JCAD: variants seen among roughly 807,000 people sequenced by gnomAD.
JCAD encodes junctional cadherin 5-associated protein.
Under a neutral mutation model 98.0 loss-of-function variants are expected in JCAD, and 40 were observed. That is an observed-to-expected ratio of 0.41 (90% CI 0.32 to 0.53). The LOEUF is 0.53. Ranked by LOEUF, JCAD falls within the 20% of genes least tolerant of loss-of-function variation. JCAD has a pLI of 0.31. For missense variants in JCAD, 1,705 were observed against 1,738.1 expected (o/e 0.98, Z 0.34); for synonymous variants, 691 against 682.3 (o/e 1.01, Z -0.20).
At chr10:30,098,223 G>A (rs923175763) in intron 1 of JCAD, among the ~76,000 whole-genome samples, 3 of 152,118 alleles carry the variant, frequency 2.0e-5, no homozygotes, top group Non-Finnish European at 4.4e-5. Context: ...CTGACTCTTT[G>A]TTCTCTAGCT....
At chr10:30,081,082 A>G (rs1217947246) in intron 1 of JCAD, among the ~76,000 whole-genome samples, 1 of 152,132 alleles carries the variant, frequency 6.6e-6, no homozygotes, top group Non-Finnish European at 1.5e-5. Context: ...TCTCCTTACT[A>G]CCGACCACCT....
intron 2 of JCAD, among the ~76,000 whole-genome samples, chr10:30,068,663 C>G (rs571235498): frequency 6.6e-6 from 1 of 152,328 alleles, no homozygotes; most frequent in Admixed American, 6.5e-5. Flanking sequence ...TCATTAATCA[C>G]AGGGCCAAAC....
In JCAD at chr10:30,016,981, C is replaced by T. The variant is rs906750424; in HGVS notation, c.*902G>A. The T allele has an allele frequency of 3.9e-5, 6 of 152,188 alleles. No homozygotes were observed. Among genetic ancestry groups the T allele is most frequent in the South Asian group, 2.1e-4 (1 of 4,830 alleles). The allele number at this position is 152,188 out of a possible 1,614,324, so 9.4% of individuals were successfully genotyped here. A position where few individuals can be genotyped will look rare whatever the true frequency, so the allele number is the denominator to read the frequency against. ...GTGAACCCTCTTTGGGTTCCTCTCA[C>T]ACAAAGGGATACAGACTCTTAAATA... On this transcript the variant is annotated 3_prime_UTR_variant, in exon 4 of 4. Transcript: ENST00000375377.
At chr10:30,093,302 G>T (rs915526556) in intron 1 of JCAD, among the ~76,000 whole-genome samples, 1 of 152,168 alleles carries the variant, frequency 6.6e-6, no homozygotes, top group African/African-American at 2.4e-5. Flanking sequence ...CAATCTCCTG[G>T]TTTTTCCATG....
intron 2 of JCAD, among the ~76,000 whole-genome samples, chr10:30,031,904 G>A (rs530853307): frequency 0.028 from 4,246 of 151,242 alleles, 95 homozygotes; most frequent in Non-Finnish European, 0.04. Context: ...ACAGGCGCCC[G>A]CCACTACGCC....
intron 1 of JCAD, among the ~76,000 whole-genome samples, chr10:30,081,712 T>C (rs1020879049): frequency 6.6e-6 from 1 of 152,068 alleles, no homozygotes; most frequent in Non-Finnish European, 1.5e-5. Flanking sequence ...GATTACAGGT[T>C]TGAGCCACCG....
chr10:30,094,215 G>T (rs1303258613), intron 1 of JCAD, among the ~76,000 whole-genome samples: 2 of 152,054 alleles, frequency 1.3e-5, no homozygotes, highest in African/African-American at 4.8e-5. Context: ...GCCAAGACAG[G>T]CAGATCACTT....
chr10:30,096,060 TC>T (rs1372742632), intron 1 of JCAD, among the ~76,000 whole-genome samples: 1 of 152,200 alleles, frequency 6.6e-6, no homozygotes, highest in Non-Finnish European at 1.5e-5. Flanking sequence ...TCAGTAAAAG[TC>T]AAGGTTCAGT....
intron 1 of JCAD, among the ~76,000 whole-genome samples, chr10:30,092,648 A>G (rs1371735914): frequency 1.3e-5 from 2 of 152,176 alleles, no homozygotes; most frequent in Non-Finnish European, 2.9e-5. Flanking sequence ...GGCAGGATGA[A>G]TAACAGCACC....
intron 1 of JCAD, among the ~76,000 whole-genome samples, chr10:30,110,493 C>T (rs1349584559): frequency 6.7e-6 from 1 of 149,650 alleles, no homozygotes; most frequent in Non-Finnish European, 1.5e-5. Context: ...TGTATGCCCT[C>T]CCCGATATAT....
At chr10:30,082,851 CAAAAAAAAAAAAAAAA>C (rs57450219) in intron 1 of JCAD, among the ~76,000 whole-genome samples, 1 of 68,386 alleles carries the variant, frequency 1.5e-5, no homozygotes, top group Non-Finnish European at 2.6e-5. Context: ...AACTCTGTCT[CAAAAAAAAAAAAAAAA>C]AAAAAAAAAA....
rs116025086 is a variant in JCAD at position 30,043,072 on chromosome 10, C to T, written c.281+4460G>A. 5.1e-3 allele frequency among the ~76,000 whole-genome samples: 775 copies of T among 152,334 alleles called. 6 individuals carry two copies. The highest frequency in any genetic ancestry group is 0.018 in the African/African-American group (743 of 41,578). On this transcript the variant is annotated intron_variant, in intron 2 of 3. Coordinates refer to ENST00000375377, the MANE Select transcript of JCAD (RefSeq NM_020848.4). ...GGAGAACCAACTCTTGGTCCTTCTCCACTACTTGCACCTAAGAGATTTTTA... is the reference window on the plus strand; with the variant it reads ...GGAGAACCAACTCTTGGTCCTTCTCTACTACTTGCACCTAAGAGATTTTTA...
At chr10:30,023,101 G>A (rs899580071) in intron 3 of JCAD, among the ~76,000 whole-genome samples, 2 of 151,968 alleles carry the variant, frequency 1.3e-5, no homozygotes, top group Non-Finnish European at 1.5e-5. Context: ...GCAATGGCGC[G>A]ATCTCAGCTC....
Position 30,015,593 on chromosome 10 carries a change from A to G in JCAD, c.*2290T>C, listed in dbSNP as rs1193588106. On this transcript the variant is annotated 3_prime_UTR_variant, in exon 4 of 4. Coordinates refer to ENST00000375377, the MANE Select transcript of JCAD (RefSeq NM_020848.4). ...ATTTAAGATAACAAAACAGAAGCGC[A>G]TCACATTTTGGTTTGAGAATCACAG... 1.3e-5 allele frequency: 2 copies of G among 152,240 alleles called. No individual in the cohort carries two copies. Among genetic ancestry groups the G allele is most frequent in the Admixed American group, 6.5e-5 (1 of 15,280 alleles). 9.4% of individuals were successfully genotyped at this position (152,240 alleles called of 1,614,324 possible).
chr10:30,083,419 G>T (rs1838118672), intron 1 of JCAD, among the ~76,000 whole-genome samples: 1 of 152,178 alleles, frequency 6.6e-6, no homozygotes, highest in African/African-American at 2.4e-5. Flanking sequence ...GTATGTGTAT[G>T]TTCATGTGGA....
chr10:30,027,680 G>C lies in JCAD; in HGVS notation c.2468C>G (p.Pro823Arg), dbSNP rs762495309. ...CAAATCCCAGGGACGACGGCTGACC[G>C]GTTTCAGGAGAAACTGCCCAAAGAG... ...KQLFGQFLLK[P>R]VSRRPWDLIS... Residue 823 changes from proline (P) to arginine (R), a missense_variant, in exon 3 of 4, where the codon CCG becomes CGG. Physicochemically the swap from Pro to Arg is moderately radical, Grantham distance 103. Around this residue, in one of 3 missense-constraint regions of JCAD, gnomAD observed 1,278 missense variants for 1,243.1 expected, o/e 1.03. Transcript: ENST00000375377. The C allele has an allele frequency of 1.1e-5, 18 of 1,614,134 alleles. No individual in the cohort carries two copies. The highest frequency in any genetic ancestry group is 1.3e-5 in the Non-Finnish European group (15 of 1,180,062).
intron 3 of JCAD, among the ~76,000 whole-genome samples, chr10:30,022,013 A>T (rs1321143298): frequency 6.6e-6 from 1 of 152,186 alleles, no homozygotes; most frequent in African/African-American, 2.4e-5. Flanking sequence ...TCATATTAAC[A>T]GAGTTTGCAA....
intron 1 of JCAD, among the ~76,000 whole-genome samples, chr10:30,114,121 G>C (rs1838752444): frequency 6.6e-6 from 1 of 152,152 alleles, no homozygotes. Flanking sequence ...CAAAGTGGTT[G>C]ACTTAGTTCC....
At chr10:30,073,625 C>T (rs1837931348) in intron 1 of JCAD, among the ~76,000 whole-genome samples, 1 of 151,598 alleles carries the variant, frequency 6.6e-6, no homozygotes, top group African/African-American at 2.4e-5. Flanking sequence ...TTAGCATTTA[C>T]AATGGACAGG....
Sources: allele counts gnomAD v4.1 joint callset (sites outside exome capture counted in the v4.1 genomes callset), GRCh38; gene constraint gnomAD v4.1.1; regional missense constraint gnomAD v4.1.1; transcripts MANE v1.5; gene names NCBI Gene and HGNC (gene_info 2026-07-23, HGNC 2026-07-21).